Variants in SIPA1L2 observed in about 807,000 individuals in gnomAD.
SIPA1L2 encodes signal induced proliferation associated 1 like 2.
A neutral mutation model predicts 163.9 loss-of-function variants in SIPA1L2; 56 were observed. That is an observed-to-expected ratio of 0.34 (90% CI 0.28 to 0.43). The LOEUF is 0.43. Ranked by LOEUF, SIPA1L2 falls within the 20% of genes least tolerant of loss-of-function variation. The pLI is 1.00. For missense variants in SIPA1L2, 1,974 were observed against 2,193.5 expected, an observed-to-expected ratio of 0.90 and a Z score of 2.00; for synonymous variants, 877 against 865.7, an observed-to-expected ratio of 1.01 and a Z score of -0.23.
At chr1:232,483,029 C>T (rs1029094397) in intron 6 of SIPA1L2, among the ~76,000 whole-genome samples, 1 of 152,202 alleles carries the variant, frequency 6.6e-6, no homozygotes, top group Non-Finnish European at 1.5e-5. Flanking sequence ...ATTTCAGATA[C>T]TCATAGCAAC....
At chr1:232,484,802 A>T (rs1454176197) in intron 5 of SIPA1L2, among the ~76,000 whole-genome samples, 1 of 152,212 alleles carries the variant, frequency 6.6e-6, no homozygotes, top group Admixed American at 6.5e-5. Flanking sequence ...AGAGCTCTTA[A>T]TCTTACTACC....
chr1:232,439,350 G>C lies in SIPA1L2; in HGVS notation c.3789C>G (p.Thr1263=). 1.2e-6 allele frequency: 2 copies of C among 1,614,174 alleles called. No homozygotes were observed. The highest frequency in any genetic ancestry group is 2.2e-5 in the East Asian group (1 of 44,878). ...LGLTYIKGAS[T]DSGIDTAPCM... The stretch of plus-strand genomic sequence containing the variant: ...AGGGGGCCGTGTCGATGCCACTGTC[G>C]GTGGAGGCCCCTTTGATGTAGGTCA... The change falls in exon 15 of 23, where the codon ACC becomes ACG. Residue 1263 remains threonine (T), a synonymous_variant. Transcript: ENST00000674635.
intron 7 of SIPA1L2, among the ~76,000 whole-genome samples, chr1:232,479,295 T>C (rs920893977): frequency 6.6e-5 from 10 of 152,174 alleles, no homozygotes; most frequent in Non-Finnish European, 1.5e-4. Flanking sequence ...ATAAGCTATT[T>C]ACCCACACAC....
chr1:232,616,782 G>A (rs1055637028), intron 1 of SIPA1L2, among the ~76,000 whole-genome samples: 7 of 152,142 alleles, frequency 4.6e-5, no homozygotes, highest in South Asian at 4.1e-4. Context: ...CCATTAACCC[G>A]GTACAGCTGA....
chr1:232,410,545 A>AAAATATAT (rs71573179), intron 19 of SIPA1L2, among the ~76,000 whole-genome samples: 1 of 148,884 alleles, frequency 6.7e-6, no homozygotes, highest in African/African-American at 2.5e-5. Context: ...TGAATTTCAA[A>AAAATATAT]ATATATATAT....
In SIPA1L2 at chr1:232,441,819, A is replaced by G. The variant is rs1391334874; in HGVS notation, c.3487T>C (p.Cys1163Arg). 6.2e-7 allele frequency: 1 copy of G among 1,613,852 alleles called. No homozygotes were observed. Residue 1163 changes from cysteine to arginine, a missense_variant, in exon 13 of 23, where the codon TGT (cysteine) becomes CGT (arginine). Physicochemically the swap from Cys to Arg is radical, Grantham distance 180. Coordinates refer to ENST00000674635, the MANE Select transcript of SIPA1L2 (RefSeq NM_020808.5). Reference protein sequence around the residue: ...LEHQGSGPLECDGAREREDTM... With the variant: ...LEHQGSGPLERDGAREREDTM... The stretch of plus-strand genomic sequence containing the variant: ...TCTTCCCTCTCCCTGGCTCCGTCAC[A>G]TTCCAAAGGGCCTGAGCCCTGGTGT...
chr1:232,591,235 T>C (rs1486487079), intron 1 of SIPA1L2, among the ~76,000 whole-genome samples: 1 of 152,268 alleles, frequency 6.6e-6, no homozygotes, highest in Admixed American at 6.5e-5. Flanking sequence ...ACAAAAATAG[T>C]TCACATGTGA....
Position 232,461,105 on chromosome 1 carries a change from G to A in SIPA1L2, c.2877C>T (p.Gly959=), listed in dbSNP as rs1664211753. Reference sequence around the variant, plus strand: ...CAAAATTCACATGGAAGCCAAGCTGGCCCAGCCCGTTCCTCCTCAGGGTCA... The same window carrying A: ...CAAAATTCACATGGAAGCCAAGCTGACCCAGCCCGTTCCTCCTCAGGGTCA... The part of the protein sequence containing the change: ...VEMTLRRNGL[G]QLGFHVNFEG... The change falls in exon 10 of 23, where the codon GGC becomes GGT. Residue 959 remains glycine (G), a synonymous_variant. Transcript: ENST00000674635. The A allele has an allele frequency of 2.5e-6, 4 of 1,614,266 alleles. No homozygotes were observed. Among genetic ancestry groups the A allele is most frequent in the Non-Finnish European group, 3.4e-6 (4 of 1,180,050 alleles).
chr1:232,431,234 A>T lies in SIPA1L2; in HGVS notation c.4256+1013T>A, dbSNP rs1662221349. 2.0e-5 allele frequency among the ~76,000 whole-genome samples: 3 copies of T among 152,204 alleles called. No individual in the cohort carries two copies. In the South Asian group the frequency reaches 6.2e-4, roughly 31 times the overall value. ...TATTAGACAGAAATACCAATGTATC[A>T]TTCTACCATTTTCATTTATAATAAA... On this transcript the variant is annotated intron_variant, in intron 16 of 22. Transcript: ENST00000674635.
At chr1:232,594,655 T>C (rs963001862) in intron 1 of SIPA1L2, among the ~76,000 whole-genome samples, 3 of 150,472 alleles carry the variant, frequency 2.0e-5, no homozygotes, top group Non-Finnish European at 4.4e-5. Flanking sequence ...TCTTTTTAAG[T>C]TTTTTTTTTA....
chr1:232,501,419 T>C (rs1666476201), intron 3 of SIPA1L2, among the ~76,000 whole-genome samples: 1 of 152,162 alleles, frequency 6.6e-6, no homozygotes, highest in South Asian at 2.1e-4. Flanking sequence ...CTGTGCCTTG[T>C]TAGGCTGGTC....
At chr1:232,623,057 TG>T (rs1662899604) in intron 1 of SIPA1L2, among the ~76,000 whole-genome samples, 2 of 152,034 alleles carry the variant, frequency 1.3e-5, no homozygotes, top group Admixed American at 6.5e-5. Flanking sequence ...AACAGGAGGA[TG>T]GGTGGGGGTG....
intron 1 of SIPA1L2, among the ~76,000 whole-genome samples, chr1:232,595,418 A>G (rs870743): frequency 0.79 from 119,603 of 152,162 alleles, 47,391 homozygotes; most frequent in East Asian, 0.92. Flanking sequence ...AAGGGCGGCC[A>G]GAGGTCGGAA....
At chr1:232,470,504 T>C (rs1264292811) in intron 8 of SIPA1L2, among the ~76,000 whole-genome samples, 1 of 152,222 alleles carries the variant, frequency 6.6e-6, no homozygotes, top group Non-Finnish European at 1.5e-5. Context: ...GGAAGCAAGC[T>C]CTGTAGTCTT....
rs1372702857 is a variant in SIPA1L2, at chr1:232,502,250, T to C, written c.1484-8590A>G. The stretch of plus-strand genomic sequence containing the variant: ...ATTGACCTGGGAGGGGTATTATAGT[T>C]GACAGCAGGCATGTTACTGGCAAAA... On this transcript the variant is annotated intron_variant, in intron 3 of 22. Coordinates refer to ENST00000674635, the MANE Select transcript of SIPA1L2 (RefSeq NM_020808.5). Among the ~76,000 whole-genome samples the C allele has an allele frequency of 3.3e-5, 5 of 152,244 alleles. No individual in the cohort carries two copies. The South Asian group carries it at 8.3e-4, about 25-fold the overall frequency.
chr1:232,428,351 T>TTTA (rs1662025371), intron 17 of SIPA1L2, 60 bp downstream of exon 17: 2 of 88,582 alleles, frequency 2.3e-5, no homozygotes, highest in Non-Finnish European at 3.3e-5. Context: ...TTCTTTAGAC[T>TTTA]TTTTTTTTTT....
intron 1 of SIPA1L2, among the ~76,000 whole-genome samples, chr1:232,626,522 A>G (rs535300887): frequency 2.0e-5 from 3 of 152,320 alleles, no homozygotes; most frequent in Non-Finnish European, 2.9e-5. Context: ...ACCAAAGTTT[A>G]TGAATCCAGT....
At chr1:232,577,314 G>A (rs1176963246) in intron 1 of SIPA1L2, among the ~76,000 whole-genome samples, 3 of 152,132 alleles carry the variant, frequency 2.0e-5, no homozygotes, top group Admixed American at 6.6e-5. Flanking sequence ...CAGAAAAAAA[G>A]ATTCCTTTCA....
intron 1 of SIPA1L2, among the ~76,000 whole-genome samples, chr1:232,604,627 C>T (rs986445689): frequency 6.6e-6 from 1 of 152,100 alleles, no homozygotes; most frequent in Non-Finnish European, 1.5e-5. Context: ...AGTGATGTGG[C>T]TTGGATCTGT....
Sources: gnomAD v4.1 joint callset for allele counts (sites outside exome capture counted in the v4.1 genomes callset) on GRCh38, gnomAD v4.1.1 for gene constraint, MANE v1.5 for transcripts, NCBI Gene and HGNC (gene_info 2026-07-23, HGNC 2026-07-21) for gene names.